Variants in EPHA6 observed in about 807,000 individuals in gnomAD.
EPHA6 encodes the protein EPH receptor A6.
In EPHA6, 50 loss-of-function variants were observed where a neutral mutation model predicts 112.0. That is an observed-to-expected ratio of 0.45 (90% CI 0.36 to 0.56). The LOEUF is 0.56. Among genes scored for constraint, EPHA6 ranks in the 20% least tolerant of loss-of-function variants. The pLI is 0.00. For synonymous variants in EPHA6, 529 were observed against 490.7 expected, an observed-to-expected ratio of 1.08 and a Z score of -1.03; for missense variants, 1,280 against 1,417.4, an observed-to-expected ratio of 0.90 and a Z score of 1.56.
chr3:96,895,755 G>A (rs1456745660), intron 2 of EPHA6, among the ~76,000 whole-genome samples: 3 of 152,182 alleles, frequency 2.0e-5, no homozygotes, highest in Admixed American at 6.5e-5. Flanking sequence ...GTGTTTGCCT[G>A]TAATCCTGGG....
At chr3:97,582,842 A>G (rs2093451393) in intron 11 of EPHA6, among the ~76,000 whole-genome samples, 1 of 152,096 alleles carries the variant, frequency 6.6e-6, no homozygotes, top group Non-Finnish European at 1.5e-5. Flanking sequence ...GTATTAAAAC[A>G]TTTGTTCGTA....
At chr3:97,045,501 A>G (rs983025554) in intron 3 of EPHA6, among the ~76,000 whole-genome samples, 3 of 151,870 alleles carry the variant, frequency 2.0e-5, no homozygotes, top group African/African-American at 7.2e-5. Flanking sequence ...CCTTCCTGGG[A>G]AAGAAAGAAA....
chr3:97,150,206 A>G (rs2076138081), intron 3 of EPHA6, among the ~76,000 whole-genome samples: 1 of 152,112 alleles, frequency 6.6e-6, no homozygotes, highest in Non-Finnish European at 1.5e-5. Context: ...CCATGAATAC[A>G]GTGATTATTT....
At chr3:97,361,181 G>A (rs1428074353) in intron 5 of EPHA6, among the ~76,000 whole-genome samples, 2 of 152,126 alleles carry the variant, frequency 1.3e-5, no homozygotes, top group Non-Finnish European at 2.9e-5. Context: ...TAGGCAGCCG[G>A]CCTCATTAAT....
At chr3:97,028,698 A>C (rs1039873491) in intron 3 of EPHA6, among the ~76,000 whole-genome samples, 33 of 152,120 alleles carry the variant, frequency 2.2e-4, no homozygotes, top group African/African-American at 7.7e-4. Context: ...CTGTTTATAG[A>C]TGTTATTTAA....
At chr3:96,999,844 A>G (rs1484494413) in intron 3 of EPHA6, among the ~76,000 whole-genome samples, 2 of 151,920 alleles carry the variant, frequency 1.3e-5, no homozygotes, top group African/African-American at 4.8e-5. Context: ...GGATGACAGA[A>G]GAATCTCACA....
intron 2 of EPHA6, among the ~76,000 whole-genome samples, chr3:96,924,089 A>G (rs962082894): frequency 6.6e-6 from 1 of 151,786 alleles, no homozygotes; most frequent in African/African-American, 2.4e-5. Flanking sequence ...ATACCTCTAG[A>G]TTTTTTCTTT....
intron 2 of EPHA6, among the ~76,000 whole-genome samples, chr3:96,978,684 T>C (rs2042628166): frequency 6.6e-6 from 1 of 152,100 alleles, no homozygotes; most frequent in South Asian, 2.1e-4. Context: ...TCATCAAACA[T>C]CACAAACTCA....
At chr3:96,987,213 C>A in intron 2 of EPHA6, 117 bp from the exon 3 acceptor site, 1 of 860,532 alleles carries the variant, frequency 1.2e-6, no homozygotes, top group Non-Finnish European at 1.8e-6. Context: ...TGAGTAGCTT[C>A]ATTTGTATCC....
chr3:97,231,703 A>G (rs1487773335), intron 4 of EPHA6, among the ~76,000 whole-genome samples: 3 of 152,164 alleles, frequency 2.0e-5, no homozygotes, highest in Non-Finnish European at 4.4e-5. Context: ...GAGGTAGTGA[A>G]GAAGATGAAG....
chr3:97,538,981 C>CCCTTTCTT (rs796880122), intron 11 of EPHA6, among the ~76,000 whole-genome samples: 3 of 130,156 alleles, frequency 2.3e-5, no homozygotes, highest in African/African-American at 9.1e-5. Context: ...CACTTTCTCT[C>CCCTTTCTT]TCTTTCTTTC....
At chr3:97,305,767 G>T (rs981068145) in intron 5 of EPHA6, among the ~76,000 whole-genome samples, 6 of 151,766 alleles carry the variant, frequency 4.0e-5, no homozygotes, top group Non-Finnish European at 7.4e-5. Flanking sequence ...TGCCTGTGGG[G>T]TTTAATACCT....
chr3:97,313,341 G>A lies in EPHA6; in HGVS notation c.1606+69054G>A, dbSNP rs550276264. On this transcript the variant is annotated intron_variant, in intron 5 of 17. Coordinates refer to ENST00000389672, the MANE Select transcript of EPHA6 (RefSeq NM_001080448.3). Reference sequence around the variant, plus strand: ...TATCCTGGTTATTATGAATAATGCTGAAATGAACATGGGAGTGCAGACACC... The same window carrying A: ...TATCCTGGTTATTATGAATAATGCTAAAATGAACATGGGAGTGCAGACACC... Among the ~76,000 whole-genome samples the A allele has an allele frequency of 2.6e-5, 4 of 151,576 alleles. No homozygotes were observed. The South Asian group carries it at 8.3e-4, about 31-fold the overall frequency.
At chr3:97,038,156 A>G (rs1325877203) in intron 3 of EPHA6, among the ~76,000 whole-genome samples, 1 of 152,050 alleles carries the variant, frequency 6.6e-6, no homozygotes, top group Non-Finnish European at 1.5e-5. Context: ...TCGTTATGCT[A>G]GGAACATTCA....
intron 14 of EPHA6, among the ~76,000 whole-genome samples, chr3:97,647,977 A>C (rs937546154): frequency 7.2e-5 from 11 of 152,180 alleles, no homozygotes; most frequent in African/African-American, 2.4e-4. Flanking sequence ...TTAAAATATA[A>C]TGGCAGTAAA....
intron 14 of EPHA6, among the ~76,000 whole-genome samples, chr3:97,704,712 T>C (rs2033586973): frequency 6.6e-6 from 1 of 152,138 alleles, no homozygotes; most frequent in Non-Finnish European, 1.5e-5. Context: ...TTTTTCTAAA[T>C]TTTTTTATTA....
intron 2 of EPHA6, among the ~76,000 whole-genome samples, chr3:96,946,698 G>T (rs1160670423): frequency 2.6e-5 from 4 of 152,164 alleles, no homozygotes; most frequent in South Asian, 2.1e-4. Context: ...CCAGTAACGG[G>T]ATGGCTGGGT....
chr3:97,456,525 T>C (rs2090691941), intron 7 of EPHA6, among the ~76,000 whole-genome samples: 1 of 152,182 alleles, frequency 6.6e-6, no homozygotes, highest in Non-Finnish European at 1.5e-5. Flanking sequence ...TACACAATAC[T>C]CAGTATTTAT....
At chr3:97,143,281 G>A (rs541948522) in intron 3 of EPHA6, among the ~76,000 whole-genome samples, 4 of 151,428 alleles carry the variant, frequency 2.6e-5, no homozygotes, top group African/African-American at 7.3e-5. Context: ...CACCATTATG[G>A]GATATATTCA....
Sources: allele counts gnomAD v4.1 joint callset (sites outside exome capture counted in the v4.1 genomes callset), GRCh38; gene constraint gnomAD v4.1.1; transcripts MANE v1.5; gene names NCBI Gene and HGNC (gene_info 2026-07-23, HGNC 2026-07-21).